The following IRF2 variants were observed in gnomAD, a reference collection of about 807,000 sequenced individuals.
IRF2 encodes the protein interferon regulatory factor 2.
A neutral mutation model predicts 40.6 loss-of-function variants in IRF2; 15 were observed. The observed-to-expected ratio is 0.37, with a 90% CI of 0.25 to 0.57. IRF2 has a LOEUF of 0.57. IRF2 is among the 20% of genes least tolerant of loss of function. IRF2 has a pLI of 0.77. For missense variants in IRF2, 317 were observed against 455.7 expected (o/e 0.70, Z 2.77); for synonymous variants, 151 against 165.5 (o/e 0.91, Z 0.67).
intron 2 of IRF2, among the ~76,000 whole-genome samples, chr4:184,421,495 A>C (rs1737480575): frequency 1.3e-5 from 2 of 152,228 alleles, no homozygotes; most frequent in African/African-American, 4.8e-5. Context: ...ATTGATGTTC[A>C]CATGAAAATG....
Position 184,408,405 on chromosome 4 carries a change from T to TC in IRF2, c.412-131dup, listed in dbSNP as rs1359384679. On this transcript the variant is annotated intron_variant, in intron 5 of 8. Coordinates refer to ENST00000393593, the MANE Select transcript of IRF2 (RefSeq NM_002199.4). This position sits in a 1 kb window ranked among gnomAD's most constrained non-coding sequence, Gnocchi z 4.9. ...CATGTTCAGCTGCCGAATACATTCA[T>TC]CCCCTGCTTCTTTAAACTGGCCTGT... 3 of 682,484 alleles carry TC rather than the reference T, an allele frequency of 4.4e-6. No homozygotes were observed. In the Admixed American group the frequency reaches 6.7e-5, roughly 15 times the overall value. 42.3% of individuals were successfully genotyped at this position (682,484 alleles called of 1,614,324 possible). A position where few individuals can be genotyped will look rare whatever the true frequency, so the allele number is the denominator to read the frequency against.
chr4:184,394,600 G>A (rs1490598523), intron 7 of IRF2, among the ~76,000 whole-genome samples: 1 of 152,160 alleles, frequency 6.6e-6, no homozygotes, highest in Non-Finnish European at 1.5e-5. Context: ...AGGATTCAAA[G>A]CCTTTACTGA....
At chr4:184,420,184 T>C (rs940241468) in intron 2 of IRF2, among the ~76,000 whole-genome samples, 1 of 152,212 alleles carries the variant, frequency 6.6e-6, no homozygotes, top group African/African-American at 2.4e-5. Context: ...CTCTTTTTTT[T>C]ATAAAACCAC....
At chr4:184,422,353 C>A (rs1178697253) in intron 2 of IRF2, among the ~76,000 whole-genome samples, 2 of 152,164 alleles carry the variant, frequency 1.3e-5, no homozygotes, top group Admixed American at 6.5e-5. Flanking sequence ...AATGGTACAG[C>A]CACTCTGGAG....
At chr4:184,443,834 G>A (rs1738403834) in intron 1 of IRF2, among the ~76,000 whole-genome samples, 1 of 152,186 alleles carries the variant, frequency 6.6e-6, no homozygotes, top group Non-Finnish European at 1.5e-5. Flanking sequence ...CCTAGCCAGT[G>A]TAAGCTCATC....
intron 6 of IRF2, among the ~76,000 whole-genome samples, chr4:184,407,906 G>A (rs551600335): frequency 3.3e-5 from 5 of 152,242 alleles, no homozygotes; most frequent in South Asian, 2.1e-4. Flanking sequence ...ACGAGCCGCC[G>A]GGAAACAAAC....
At chr4:184,404,102 T>C (rs1736764782) in intron 6 of IRF2, among the ~76,000 whole-genome samples, 2 of 152,154 alleles carry the variant, frequency 1.3e-5, no homozygotes, top group African/African-American at 4.8e-5. Flanking sequence ...AAAAGCAGAT[T>C]ATTAGAAACA....
chr4:184,441,337 G>A (rs1042448320), intron 1 of IRF2, among the ~76,000 whole-genome samples: 1 of 152,220 alleles, frequency 6.6e-6, no homozygotes, highest in African/African-American at 2.4e-5. Flanking sequence ...TGGCTACCAT[G>A]AATGAGGAAA....
intron 6 of IRF2, among the ~76,000 whole-genome samples, chr4:184,403,664 T>A (rs898613403): frequency 6.6e-6 from 1 of 152,230 alleles, no homozygotes; most frequent in African/African-American, 2.4e-5. Flanking sequence ...CAACTCTTTA[T>A]AATATGCTCT....
In IRF2 at chr4:184,408,805, T is replaced by G. The variant is rs1736962885; in HGVS notation, c.412-530A>C. ...AGTTTTGCCATGGCCTCTGGCCACCTGAGGCCCTGCATTGGATGGCTGGCT... is the reference window on the plus strand; with the variant it reads ...AGTTTTGCCATGGCCTCTGGCCACCGGAGGCCCTGCATTGGATGGCTGGCT... On this transcript the variant is annotated intron_variant, in intron 5 of 8. Transcript: ENST00000393593. The surrounding 1 kb of genome is among the most constrained non-coding windows in gnomAD (Gnocchi z 4.9). Among the ~76,000 whole-genome samples, 1 of 152,240 alleles carries G rather than the reference T, an allele frequency of 6.6e-6. No individual in the cohort carries two copies. The highest frequency in any genetic ancestry group is 1.5e-5 in the Non-Finnish European group (1 of 68,050).
At chr4:184,462,669 G>C (rs2149917834) in intron 1 of IRF2, among the ~76,000 whole-genome samples, 1 of 152,240 alleles carries the variant, frequency 6.6e-6, no homozygotes, top group East Asian at 1.9e-4. Context: ...AACATCAAAA[G>C]AAGAAACTGA....
intron 2 of IRF2, among the ~76,000 whole-genome samples, chr4:184,425,659 A>G (rs567850725): frequency 1.1e-4 from 16 of 152,364 alleles, no homozygotes; most frequent in Non-Finnish European, 1.6e-4. Flanking sequence ...TCGGGAAGAG[A>G]ACTCTCGAGC....
At position 184,410,276 on chromosome 4, in the gene IRF2, T is replaced by A. The variant is rs1022666003; in HGVS notation, c.412-2001A>T. Among the ~76,000 whole-genome samples the A allele has an allele frequency of 7.2e-5, 11 of 152,200 alleles. No homozygotes were observed. In the East Asian group the frequency reaches 2.1e-3, roughly 29 times the overall value. ...GAGGACAATAATAGGACCCACGTCA[T>A]AGGGATAAGGTGAAGATTAAATGAG... is the stretch of plus-strand genomic sequence containing the variant. On this transcript the variant is annotated intron_variant, in intron 5 of 8. Transcript: ENST00000393593.
chr4:184,414,238 T>C (rs1488940354), intron 5 of IRF2, among the ~76,000 whole-genome samples: 1 of 152,292 alleles, frequency 6.6e-6, no homozygotes, highest in Non-Finnish European at 1.5e-5. Flanking sequence ...ATTCTTACTG[T>C]TCTTGGCCTT....
At chr4:184,406,956 C>T (rs55808423) in intron 6 of IRF2, among the ~76,000 whole-genome samples, 77 of 152,318 alleles carry the variant, frequency 5.1e-4, no homozygotes, top group South Asian at 1.4e-3. Flanking sequence ...TCCTAATTGC[C>T]GTATGTCTAG....
rs1490116986 is a variant in IRF2 at position 184,427,103 on chromosome 4, T to C, written c.87+1875A>G. Among the ~76,000 whole-genome samples the C allele has an allele frequency of 3.9e-5, 6 of 152,218 alleles. 1 individual carries two copies. Among genetic ancestry groups the C allele is most frequent in the African/African-American group, 1.4e-4 (6 of 41,462 alleles). ...CTTTACTCTGGTCCCCCCTTCCTTA[T>C]ACCTCCACGGCACCCCTGCTAACTG... On this transcript the variant is annotated intron_variant, in intron 2 of 8. Transcript: ENST00000393593.
intron 5 of IRF2, among the ~76,000 whole-genome samples, chr4:184,410,024 C>T (rs73007015): frequency 1.1e-4 from 17 of 152,306 alleles, no homozygotes; most frequent in East Asian, 1.9e-4. Flanking sequence ...ACTTCCGACC[C>T]GCTGTCTGCC....
At chr4:184,431,725 G>A (rs973841659) in intron 1 of IRF2, among the ~76,000 whole-genome samples, 3 of 152,212 alleles carry the variant, frequency 2.0e-5, no homozygotes, top group African/African-American at 4.8e-5. Context: ...AGTGCTGTGC[G>A]TGGTCCCTGG....
At chr4:184,426,353 T>C (rs1207078348) in intron 2 of IRF2, among the ~76,000 whole-genome samples, 1 of 152,154 alleles carries the variant, frequency 6.6e-6, no homozygotes, top group African/African-American at 2.4e-5. Context: ...GAAGGATCCT[T>C]CCTCGCCTCT....
Sources: gnomAD v4.1 joint callset for allele counts (sites outside exome capture counted in the v4.1 genomes callset) on GRCh38, gnomAD v4.1.1 for gene constraint, Gnocchi (gnomAD v3.1) non-coding constraint, MANE v1.5 for transcripts, NCBI Gene and HGNC (gene_info 2026-07-23, HGNC 2026-07-21) for gene names.